MYRFL: variants seen among roughly 807,000 people sequenced by gnomAD.
MYRFL encodes myelin regulatory factor-like protein.
Under a neutral mutation model 109.4 loss-of-function variants are expected in MYRFL, and 88 were observed. The ratio of observed to expected loss-of-function variants is 0.80; its 90% confidence interval spans 0.68 to 0.96. The LOEUF is 0.96. Ranked by LOEUF, MYRFL falls within the 40% of genes least tolerant of loss-of-function variation. The pLI is 0.00. For synonymous variants in MYRFL, 324 were observed against 320.9 expected (o/e 1.01, Z -0.10); for missense variants, 957 against 954.9 (o/e 1.00, Z -0.03).
Position 69,910,894 on chromosome 12 carries a change from C to G in MYRFL, c.1566C>G (p.Asn522Lys). ...VREVGDVTCGNGETLENFLMV... is the reference protein window; with the variant it reads ...VREVGDVTCGKGETLENFLMV... ...AGGTTGGTGATGTCACCTGCGGAAACGGAGAGACCTTGGAGAACTTCCTCA... is the reference window on the plus strand; with the variant it reads ...AGGTTGGTGATGTCACCTGCGGAAAGGGAGAGACCTTGGAGAACTTCCTCA... The change falls in exon 13 of 25, where the codon AAC becomes AAG. Residue 522 changes from asparagine (N) to lysine (K), a missense_variant. Coordinates refer to ENST00000552032, the MANE Select transcript of MYRFL (RefSeq NM_182530.3). 1.3e-6 allele frequency: 2 copies of G among 1,535,086 alleles called. No individual in the cohort carries two copies. Among genetic ancestry groups the G allele is most frequent in the East Asian group, 2.4e-5 (1 of 40,882 alleles).
chr12:69,903,868 G>T (rs1291896035), intron 11 of MYRFL, 24 bp downstream of exon 11: 1 of 1,494,514 alleles, frequency 6.7e-7, no homozygotes, highest in African/African-American at 1.4e-5. Flanking sequence ...CAGGCCCTGG[G>T]CCCCTCCTCT....
At chr12:69,863,206 A>G (rs1442911670) in intron 2 of MYRFL, among the ~76,000 whole-genome samples, 1 of 152,090 alleles carries the variant, frequency 6.6e-6, no homozygotes, top group Non-Finnish European at 1.5e-5. Context: ...TTGGTCTAAA[A>G]TTCTCTTTTT....
chr12:69,940,011 A>C (rs1264857364), intron 19 of MYRFL, among the ~76,000 whole-genome samples: 1 of 151,768 alleles, frequency 6.6e-6, no homozygotes, highest in Non-Finnish European at 1.5e-5. Context: ...AAAAAAGAAT[A>C]AAAAGAAATG....
chr12:69,853,756 G>A (rs574683078), intron 1 of MYRFL, among the ~76,000 whole-genome samples: 14 of 145,590 alleles, frequency 9.6e-5, no homozygotes, highest in Admixed American at 9.5e-4. Context: ...ACTGGGCGGC[G>A]GGGCAGAGGG....
chr12:69,935,561 C>T (rs1955422573), intron 16 of MYRFL, among the ~76,000 whole-genome samples: 2 of 152,184 alleles, frequency 1.3e-5, no homozygotes, highest in South Asian at 4.1e-4. Context: ...GAAACAAATA[C>T]TTTCTTGCAG....
intron 10 of MYRFL, among the ~76,000 whole-genome samples, chr12:69,901,791 T>A (rs1020500330): frequency 1.3e-5 from 2 of 152,148 alleles, no homozygotes; most frequent in African/African-American, 4.8e-5. Context: ...TTTGTTCAAG[T>A]AAATTTACAC....
chr12:69,836,404 A>G (rs978365586), intron 1 of MYRFL, among the ~76,000 whole-genome samples: 3 of 152,170 alleles, frequency 2.0e-5, no homozygotes, highest in African/African-American at 7.2e-5. Context: ...AGCCCTAACT[A>G]GGGAACACAC....
At chr12:69,923,916 G>A (rs182330932) in intron 13 of MYRFL, among the ~76,000 whole-genome samples, 11 of 152,094 alleles carry the variant, frequency 7.2e-5, no homozygotes, top group Non-Finnish European at 1.2e-4. Context: ...TGGGCCAGGC[G>A]CAGTGGCTCA....
chr12:69,848,250 A>G (rs1592696531), intron 1 of MYRFL, among the ~76,000 whole-genome samples: 1 of 152,012 alleles, frequency 6.6e-6, no homozygotes, highest in Non-Finnish European at 1.5e-5. Flanking sequence ...TTTTACTCAC[A>G]TGTTTTTTAT....
intron 16 of MYRFL, 78 bp downstream of exon 16, chr12:69,932,676 G>T: frequency 9.5e-7 from 1 of 1,058,132 alleles, no homozygotes; most frequent in South Asian, 1.4e-5. Flanking sequence ...TATGAACTGG[G>T]GACTGGCCTG....
At chr12:69,868,956 G>A (rs1478422817) in intron 2 of MYRFL, among the ~76,000 whole-genome samples, 1 of 151,640 alleles carries the variant, frequency 6.6e-6, no homozygotes, top group Admixed American at 6.6e-5. Context: ...ACTCACACAT[G>A]CCCACATGTG....
In MYRFL at chr12:69,879,351, A is replaced by C; in HGVS notation, c.362A>C (p.His121Pro). 1.4e-6 allele frequency: 1 copy of C among 702,814 alleles called. No homozygotes were observed. Among genetic ancestry groups the C allele is most frequent in the Non-Finnish European group, 2.6e-6 (1 of 384,828 alleles). The allele number at this position is 702,814 out of a possible 1,614,324, so 43.5% of individuals were successfully genotyped here. ...CQIHGGFHSC[H>P]SNASHLATPL... The stretch of plus-strand genomic sequence containing the variant: ...ATCCACGGAGGCTTTCACAGCTGCC[A>C]CTCAAACGCCAGTCATCTTGCCACC... Residue 121 changes from histidine to proline, a missense_variant, in exon 4 of 25, where the codon CAC becomes CCC. By Grantham distance (77) the His-to-Pro change is moderately conservative. Transcript: ENST00000552032.
At chr12:69,938,596 G>C (rs1370971256) in intron 19 of MYRFL, among the ~76,000 whole-genome samples, 1 of 152,060 alleles carries the variant, frequency 6.6e-6, no homozygotes, top group East Asian at 1.9e-4. Flanking sequence ...TCCTGACCTT[G>C]TACAGGCCAG....
rs1226137873 is a variant in MYRFL at position 69,958,899 on chromosome 12, A to AAAG, written c.*369_*371dup. 5.1e-6 allele frequency: 1 copy of AAAG among 194,872 alleles called. No homozygotes were observed. The highest frequency in any genetic ancestry group is 2.4e-5 in the African/African-American group (1 of 41,868). The allele number at this position is 194,872 out of a possible 1,614,324, so 12.1% of individuals were successfully genotyped here. ...TATTTTAAAGCTTTTGAAAAAACCA[A>AAAG]AAGGGCCATGTCGACTTCGGCCCAC... is the stretch of plus-strand genomic sequence containing the variant. On this transcript the variant is annotated 3_prime_UTR_variant, in exon 25 of 25. Coordinates refer to ENST00000552032, the MANE Select transcript of MYRFL (RefSeq NM_182530.3).
At chr12:69,851,317 G>T (rs1883863105) in intron 1 of MYRFL, among the ~76,000 whole-genome samples, 1 of 152,148 alleles carries the variant, frequency 6.6e-6, no homozygotes, top group South Asian at 2.1e-4. Flanking sequence ...GAACAAACTT[G>T]CACATGCACC....
intron 5 of MYRFL, among the ~76,000 whole-genome samples, chr12:69,885,418 A>T (rs1886386992): frequency 6.6e-6 from 1 of 152,166 alleles, no homozygotes; most frequent in African/African-American, 2.4e-5. Context: ...AAAAGTTTGA[A>T]GATGAAAAAA....
chr12:69,869,910 T>C (rs17107202), intron 2 of MYRFL, among the ~76,000 whole-genome samples: 8,316 of 152,134 alleles, frequency 0.055, 766 homozygotes, highest in African/African-American at 0.19. Flanking sequence ...ACATATCACC[T>C]CAACTAGCTG....
chr12:69,944,636 T>A (rs1407141339), intron 19 of MYRFL, among the ~76,000 whole-genome samples: 1 of 151,904 alleles, frequency 6.6e-6, no homozygotes, highest in Non-Finnish European at 1.5e-5. Flanking sequence ...TATACGTATG[T>A]TACTAACCTG....
chr12:69,857,209 C>G (rs1047191313), intron 2 of MYRFL, among the ~76,000 whole-genome samples: 5 of 151,868 alleles, frequency 3.3e-5, no homozygotes, highest in Admixed American at 6.6e-5. Context: ...ACTCTTCATT[C>G]CTTTCCATTG....
Sources: gnomAD v4.1 joint callset for allele counts (sites outside exome capture counted in the v4.1 genomes callset) on GRCh38, gnomAD v4.1.1 for gene constraint, MANE v1.5 for transcripts, NCBI Gene and HGNC (gene_info 2026-07-23, HGNC 2026-07-21) for gene names.